ITGB8: variants seen among roughly 807,000 people sequenced by gnomAD.
The protein encoded by ITGB8 is integrin beta-8.
A neutral mutation model predicts 89.5 loss-of-function variants in ITGB8; 30 were observed. The ratio of observed to expected loss-of-function variants is 0.34; its 90% CI spans 0.25 to 0.45. The LOEUF (loss-of-function observed/expected upper bound fraction) is 0.45, where lower values mean the gene tolerates loss of function less well. Ranked by LOEUF, ITGB8 falls within the 20% of genes least tolerant of loss-of-function variation. The probability of loss-of-function intolerance (pLI) is 1.00; values close to 1 mark genes in which losing one functional copy is unlikely to be tolerated. For missense variants in ITGB8, 836 were observed against 933.3 expected, an observed-to-expected ratio of 0.90 and a Z score of 1.36; for synonymous variants, 335 against 320.4, an observed-to-expected ratio of 1.05 and a Z score of -0.49.
Position 20,331,379 on chromosome 7 carries a change from C to T in ITGB8, c.-428C>T. On this transcript the variant is annotated 5_prime_UTR_variant, in exon 1 of 14. Transcript: ENST00000222573. The stretch of plus-strand genomic sequence containing the variant: ...AATGTACATTAGGGTGGTTTCCCCC[C>T]CAGCTTCGGGCTTTGTTTGGGTTTG... The T allele has an allele frequency of 2.5e-6, 1 of 398,212 alleles. No homozygotes were observed. Among genetic ancestry groups the T allele is most frequent in the Admixed American group, 4.4e-5 (1 of 22,658 alleles). The allele number at this position is 398,212 out of a possible 1,614,324, so 24.7% of individuals were successfully genotyped here. A position where few individuals can be genotyped will look rare whatever the true frequency, so the allele number is the denominator to read the frequency against.
chr7:20,352,749 C>T (rs1785153601), intron 1 of ITGB8: 1 of 152,188 alleles, frequency 6.6e-6, no homozygotes, highest in Non-Finnish European at 1.5e-5. Flanking sequence ...TTCAACAACA[C>T]CAGAATACTC....
intron 6 of ITGB8, among the ~76,000 whole-genome samples, chr7:20,390,471 T>G (rs776150830): frequency 2.0e-5 from 3 of 152,154 alleles, no homozygotes; most frequent in Non-Finnish European, 2.9e-5. Flanking sequence ...TCTCATGTTC[T>G]CTAAACTAAA....
intron 1 of ITGB8, among the ~76,000 whole-genome samples, chr7:20,354,882 A>G (rs1445396359): frequency 6.6e-6 from 1 of 152,202 alleles, no homozygotes; most frequent in Non-Finnish European, 1.5e-5. Context: ...TGCCACCTTC[A>G]ACAAATTTAG....
intron 1 of ITGB8, among the ~76,000 whole-genome samples, chr7:20,334,135 T>C (rs1362702577): frequency 6.6e-6 from 1 of 152,126 alleles, no homozygotes; most frequent in Non-Finnish European, 1.5e-5. Context: ...TAATAACAAA[T>C]ATATAGTGAG....
At chr7:20,381,584 T>G in intron 5 of ITGB8, 143 bp from the exon 6 acceptor site, 1 of 569,574 alleles carries the variant, frequency 1.8e-6, no homozygotes, top group Non-Finnish European at 3.0e-6. Context: ...GTTAAAGCTA[T>G]TTACGCAGCA....
chr7:20,353,568 ATCATT>A lies in ITGB8; in HGVS notation c.128-10063_128-10059del, dbSNP rs553100397. 4.0e-3 allele frequency among the ~76,000 whole-genome samples: 611 copies of A among 152,376 alleles called. 4 individuals carry two copies. Among genetic ancestry groups the A allele is most frequent in the African/African-American group, 0.014 (581 of 41,594 alleles). ...TAAAAAAAGACTATTTTAACTTAAT[ATCATT>A]TCATTAACTTCTTTAAAAATAAGCT... On this transcript the variant is annotated intron_variant, in intron 1 of 13. Transcript: ENST00000222573.
In ITGB8 at chr7:20,415,289, T is replaced by C. The variant is rs188157832; in HGVS notation, c.*5292T>C. On this transcript the variant is annotated 3_prime_UTR_variant, in exon 14 of 14. Transcript: ENST00000222573. ...TGGTTTCTTGAACTTCTGAAAAAAATTAGAAATGTATTAAACTTATCAGTA... is the reference window on the plus strand; with the variant it reads ...TGGTTTCTTGAACTTCTGAAAAAAACTAGAAATGTATTAAACTTATCAGTA... The C allele has an allele frequency of 5.1e-4, 77 of 151,996 alleles. No individual in the cohort carries two copies. The highest frequency in any genetic ancestry group is 1.8e-3 in the African/African-American group (75 of 41,548). The allele number at this position is 151,996 out of a possible 1,614,324, so 9.4% of individuals were successfully genotyped here.
At chr7:20,393,614 T>G (rs1786952756) in intron 7 of ITGB8, among the ~76,000 whole-genome samples, 1 of 152,212 alleles carries the variant, frequency 6.6e-6, no homozygotes, top group African/African-American at 2.4e-5. Flanking sequence ...CTTTCTGGCC[T>G]CATTGCCCCA....
chr7:20,389,297 T>A (rs555708314), intron 6 of ITGB8, among the ~76,000 whole-genome samples: 4 of 152,318 alleles, frequency 2.6e-5, no homozygotes, highest in African/African-American at 9.6e-5. Context: ...TGTTGTTTCC[T>A]GACTTTTTAA....
Position 20,394,953 on chromosome 7 carries a change from A to C in ITGB8, c.1114A>C (p.Asn372His), listed in dbSNP as rs976476371. 1 of 1,613,476 alleles carries C rather than the reference A, an allele frequency of 6.2e-7. No individual in the cohort carries two copies. The highest frequency in any genetic ancestry group is 8.5e-7 in the Non-Finnish European group (1 of 1,179,430). ...IAGEIESKAA[N>H]LNNLVVEAYQ... ...TGGTGAAATAGAATCAAAGGCTGCA[A>C]ACCTCAATAATTTGGTAGTGGAAGC... The change falls in exon 8 of 14, where the codon AAC (asparagine) becomes CAC (histidine). Residue 372 changes from asparagine to histidine, a missense_variant. Coordinates refer to ENST00000222573, the MANE Select transcript of ITGB8 (RefSeq NM_002214.3).
chr7:20,385,882 A>C (rs1786592029), intron 6 of ITGB8, among the ~76,000 whole-genome samples: 1 of 152,232 alleles, frequency 6.6e-6, no homozygotes, highest in Non-Finnish European at 1.5e-5. Context: ...CAAAGTCTGG[A>C]AAACATTTAT....
At chr7:20,400,669 T>C (rs7804468) in intron 9 of ITGB8, among the ~76,000 whole-genome samples, 3,040 of 152,292 alleles carry the variant, frequency 0.02, 114 homozygotes, top group African/African-American at 0.069. Flanking sequence ...ATCAATTGTG[T>C]TGTGCAAAAA....
intron 3 of ITGB8, among the ~76,000 whole-genome samples, chr7:20,376,465 G>A (rs1014487733): frequency 1.4e-4 from 21 of 152,214 alleles, no homozygotes; most frequent in African/African-American, 4.3e-4. Flanking sequence ...GTTAACTAGG[G>A]ACACAATATC....
chr7:20,374,759 T>G (rs1332506063), intron 3 of ITGB8, among the ~76,000 whole-genome samples: 1 of 152,166 alleles, frequency 6.6e-6, no homozygotes, highest in East Asian at 1.9e-4. Context: ...AGATTTGTCT[T>G]GCTAGAGCTA....
chr7:20,379,776 A>C (rs1389058902), intron 4 of ITGB8: 1 of 152,220 alleles, frequency 6.6e-6, no homozygotes, highest in Non-Finnish European at 1.5e-5. Context: ...ACTACAAAGA[A>C]ATCTCAGTTA....
intron 1 of ITGB8, among the ~76,000 whole-genome samples, chr7:20,333,102 T>C (rs1784464473): frequency 6.6e-6 from 1 of 152,148 alleles, no homozygotes; most frequent in African/African-American, 2.4e-5. Flanking sequence ...CTGAAGCTAA[T>C]TAAAACAGTC....
At position 20,395,056 on chromosome 7, in the gene ITGB8, G is replaced by A. The variant is rs573069255; in HGVS notation, c.1146+71G>A. The stretch of plus-strand genomic sequence containing the variant: ...AATTTCTGTGACAAGGTACAAAGTA[G>A]TGCCATGTCATCTCGAGAGGAGGAG... On this transcript the variant is annotated intron_variant, in intron 8 of 13. Transcript: ENST00000222573. The A allele has an allele frequency of 5.4e-5, 46 of 849,940 alleles. No homozygotes were observed. The African/African-American group carries it at 6.8e-4, about 12-fold the overall frequency. The allele number at this position is 849,940 out of a possible 1,614,324, so 52.6% of individuals were successfully genotyped here.
intron 3 of ITGB8, among the ~76,000 whole-genome samples, chr7:20,378,159 T>G (rs1786229732): frequency 2.0e-5 from 3 of 152,220 alleles, no homozygotes; most frequent in Admixed American, 2.0e-4. Flanking sequence ...TATAGAGGGT[T>G]AGGGGGGACA....
intron 3 of ITGB8, among the ~76,000 whole-genome samples, chr7:20,368,414 C>T (rs2127948705): frequency 6.6e-6 from 1 of 152,266 alleles, no homozygotes; most frequent in African/African-American, 2.4e-5. Flanking sequence ...AAACTCTGCC[C>T]TTAGATATTC....
Sources: allele counts gnomAD v4.1 joint callset (sites outside exome capture counted in the v4.1 genomes callset), GRCh38; gene constraint gnomAD v4.1.1; transcripts MANE v1.5; gene names NCBI Gene and HGNC (gene_info 2026-07-23, HGNC 2026-07-21).